CFAP99: variants seen among roughly 807,000 people sequenced by gnomAD.
The protein encoded by CFAP99 is cilia- and flagella-associated protein 99.
CFAP99 carries 84 observed loss-of-function variants against 82.7 expected under a neutral mutation model. That is an observed-to-expected ratio of 1.02 (90% CI 0.85 to 1.22). The LOEUF is 1.22. CFAP99 is among the 50% of genes most tolerant of loss of function. CFAP99 has a pLI of 0.00. For synonymous variants in CFAP99, 456 were observed against 429.5 expected, an observed-to-expected ratio of 1.06 and a Z score of -0.76; for missense variants, 1,059 against 983.5, an observed-to-expected ratio of 1.08 and a Z score of -1.03.
chr4:2,454,594 GT>G (rs1204498727), intron 11 of CFAP99, among the ~76,000 whole-genome samples: 5,106 of 84,394 alleles, frequency 0.061, 265 homozygotes, highest in African/African-American at 0.2. Context: ...TTTTTTTTTT[GT>G]TTTTTTTTTT....
At chr4:2,423,938 G>A (rs374702575) in intron 1 of CFAP99, among the ~76,000 whole-genome samples, 13 of 152,258 alleles carry the variant, frequency 8.5e-5, no homozygotes, top group Admixed American at 2.0e-4. Flanking sequence ...GGGCAGTGAC[G>A]GTCCTGGCTG....
intron 11 of CFAP99, among the ~76,000 whole-genome samples, chr4:2,454,925 G>T (rs778266731): frequency 1.3e-4 from 19 of 147,948 alleles, no homozygotes; most frequent in Non-Finnish European, 2.1e-4. Context: ...CCCGGCCACA[G>T]TTTTTCTTTT....
chr4:2,449,695 C>T (rs1249443204), exon 7 of CFAP99: 1 of 1,536,116 alleles, frequency 6.5e-7, no homozygotes, highest in Admixed American at 2.0e-5. Flanking sequence ...TACCAGCCAC[C>T]CAAGGAGCAG....
intron 14 of CFAP99, 32 bp downstream of exon 14, chr4:2,460,274 G>C: frequency 6.5e-7 from 1 of 1,527,810 alleles, no homozygotes; most frequent in Non-Finnish European, 8.8e-7. Flanking sequence ...GGTGCCTCTG[G>C]GTGGACAGGG....
At chr4:2,438,014 G>A (rs1365104792) in intron 3 of CFAP99, 56 bp from the exon 4 acceptor site, 33 of 1,063,020 alleles carry the variant, frequency 3.1e-5, no homozygotes, top group East Asian at 2.5e-4. Flanking sequence ...CGGTCCCGCC[G>A]TGTGCCTGGT....
At chr4:2,436,148 A>G (rs1733903758) in intron 2 of CFAP99, among the ~76,000 whole-genome samples, 1 of 151,664 alleles carries the variant, frequency 6.6e-6, no homozygotes, top group African/African-American at 2.4e-5. Context: ...TTTCACTGCT[A>G]ATTTAAAAAT....
chr4:2,451,236 C>A (rs1360402208), intron 9 of CFAP99, 28 bp from the exon 10 acceptor site: 3 of 1,535,562 alleles, frequency 2.0e-6, no homozygotes, highest in Admixed American at 3.9e-5. Flanking sequence ...CCTCAAGCCC[C>A]CACCACAGCC....
At chr4:2,447,517 A>C (rs1175989595) in intron 6 of CFAP99, among the ~76,000 whole-genome samples, 1 of 151,566 alleles carries the variant, frequency 6.6e-6, no homozygotes, top group Non-Finnish European at 1.5e-5. Context: ...AGATGGATGG[A>C]TTAATGGATA....
chr4:2,440,149 C>CTTTTT lies in CFAP99; in HGVS notation c.351+1996_351+2000dup, dbSNP rs1253819268. ...GAGCCACTGCGCCCAGCTTGACATT[C>CTTTTT]TTTTTTTTTTTTTTTGAGACGGAGT... On this transcript the variant is annotated intron_variant, in intron 4 of 14. Transcript: ENST00000635017. 1.5e-4 allele frequency among the ~76,000 whole-genome samples: 16 copies of CTTTTT among 104,032 alleles called. 1 individual carries two copies. Among genetic ancestry groups the CTTTTT allele is most frequent in the African/African-American group, 6.9e-4 (15 of 21,732 alleles). 68.2% of individuals were successfully genotyped at this position (104,032 alleles called of 152,430 possible).
chr4:2,450,884 T>G, intron 8 of CFAP99, 63 bp from the exon 9 acceptor site: 2 of 1,368,666 alleles, frequency 1.5e-6, no homozygotes, highest in Non-Finnish European at 2.0e-6. Flanking sequence ...CCACCTGGTA[T>G]GTGTTTGGGG....
Position 2,452,302 on chromosome 4 carries a change from C to G in CFAP99, c.1117C>G (p.Leu373Val), listed in dbSNP as rs1393416086. The G allele has an allele frequency of 1.3e-6, 2 of 1,535,336 alleles. No individual in the cohort carries two copies. The highest frequency in any genetic ancestry group is 2.0e-5 in the Admixed American group (1 of 50,930). The change falls in exon 11 of 15, where the codon CTC becomes GTC. Residue 373 changes from leucine to valine, a missense_variant. Coordinates refer to ENST00000635017, the Ensembl canonical transcript of CFAP99. ...GGAGGCCGTCCTAGCCCGGCAGAGC[C>G]TCATGCAGGAGAACAAGCAGAGGGT...
At chr4:2,452,169 G>T (rs917612400) in exon 11 of CFAP99, 1 of 1,536,156 alleles carries the variant, frequency 6.5e-7, no homozygotes, top group Non-Finnish European at 8.7e-7. Context: ...ATGGGGCTGG[G>T]GACTTCTCTG....
intron 5 of CFAP99, among the ~76,000 whole-genome samples, chr4:2,444,413 A>C (rs10031162): frequency 1.3e-5 from 2 of 152,202 alleles, no homozygotes; most frequent in African/African-American, 4.8e-5. Flanking sequence ...CGAGACCCCA[A>C]GACTCCACTT....
intron 1 of CFAP99, among the ~76,000 whole-genome samples, chr4:2,425,736 G>A (rs530458552): frequency 1.3e-5 from 2 of 152,136 alleles, no homozygotes; most frequent in African/African-American, 2.4e-5. Context: ...TAGTTTGGGG[G>A]CCACATGTTG....
In CFAP99 at chr4:2,460,106, GA is replaced by G; in HGVS notation, c.1526del (p.Glu509GlyfsTer45). On this transcript the variant is annotated frameshift_variant, in exon 14 of 15. Coordinates refer to ENST00000635017, the Ensembl canonical transcript of CFAP99. LOFTEE classifies it high-confidence loss of function. ...GCGAGAGCGGCTGGCCCTGCTCAAA[GA>G]GAATCAGCGGCGCAAGGAGGAAGAA... 1 of 1,536,118 alleles carries G rather than the reference GA, an allele frequency of 6.5e-7. No homozygotes were observed.
Position 2,452,152 on chromosome 4 carries a change from CT to C in CFAP99, c.968del (p.Leu323ProfsTer46). 2 of 1,536,068 alleles carry C rather than the reference CT, an allele frequency of 1.3e-6. No homozygotes were observed. Among genetic ancestry groups the C allele is most frequent in the Non-Finnish European group, 1.7e-6 (2 of 1,146,900 alleles). ...TCCCTCTTTGCCCAGGGTTGATAAG[CT>C]CGTGGATGGGGCTGGGGACTTCTCT... is the stretch of plus-strand genomic sequence containing the variant. On this transcript the variant is annotated frameshift_variant, in exon 11 of 15. Coordinates refer to ENST00000635017, the Ensembl canonical transcript of CFAP99. LOFTEE classifies it high-confidence loss of function.
At position 2,462,938 on chromosome 4, in the gene CFAP99, C is replaced by G; in HGVS notation, c.*12C>G. The G allele has an allele frequency of 7.9e-7, 1 of 1,267,330 alleles. No individual in the cohort carries two copies. Among genetic ancestry groups the G allele is most frequent in the East Asian group, 3.3e-5 (1 of 30,626 alleles). 78.5% of individuals were successfully genotyped at this position (1,267,330 alleles called of 1,614,324 possible). A position where few individuals can be genotyped will look rare whatever the true frequency, so the allele number is the denominator to read the frequency against. On this transcript the variant is annotated 3_prime_UTR_variant, in exon 15 of 15. Transcript: ENST00000635017. This position sits in a 1 kb window ranked among gnomAD's most constrained non-coding sequence, Gnocchi z 4.1. ...TGGAGGCCGCCTGAGCCGGGCCGAG[C>G]GCGCCCCACCCGCTTGCGGGCCACC...
chr4:2,436,334 T>G (rs184785335), intron 2 of CFAP99, among the ~76,000 whole-genome samples: 1 of 152,274 alleles, frequency 6.6e-6, no homozygotes, highest in East Asian at 1.9e-4. Flanking sequence ...AATTCATTCA[T>G]TTGAAAACCT....
intron 2 of CFAP99, 41 bp downstream of exon 2, chr4:2,426,627 C>T: frequency 2.3e-6 from 3 of 1,282,352 alleles, no homozygotes; most frequent in Non-Finnish European, 3.3e-6. Flanking sequence ...ACGCCAATGG[C>T]ACCTGTTGTG....
Sources: gnomAD v4.1 joint callset for allele counts (sites outside exome capture counted in the v4.1 genomes callset) on GRCh38, gnomAD v4.1.1 for gene constraint, Gnocchi (gnomAD v3.1) non-coding constraint, MANE v1.5 for transcripts, NCBI Gene and HGNC (gene_info 2026-07-23, HGNC 2026-07-21) for gene names.